CUL3: variants seen among roughly 807,000 people sequenced by gnomAD.
CUL3 encodes the protein cullin 3, also known as cullin-3.
A neutral mutation model predicts 89.1 loss-of-function variants in CUL3; 19 were observed. The ratio of observed to expected loss-of-function variants is 0.21; its 90% confidence interval spans 0.15 to 0.31. The LOEUF is 0.31. CUL3 is among the 10% of genes least tolerant of loss of function. The pLI is 1.00. For synonymous variants in CUL3, 351 were observed against 308.4 expected (o/e 1.14, Z -1.45); for missense variants, 469 against 942.3 (o/e 0.50, Z 6.58).
intron 3 of CUL3, among the ~76,000 whole-genome samples, chr2:224,525,190 AC>A (rs1309269425): frequency 1.3e-5 from 2 of 152,218 alleles, no homozygotes; most frequent in African/African-American, 4.8e-5. Flanking sequence ...CATAAACTCT[AC>A]TAAACAGTCA....
At chr2:224,491,068 AC>A (rs1303538342) in intron 13 of CUL3, among the ~76,000 whole-genome samples, 2 of 152,118 alleles carry the variant, frequency 1.3e-5, no homozygotes, top group Non-Finnish European at 2.9e-5. Context: ...GAGCTTTCCT[AC>A]CTAAGACCCA....
intron 1 of CUL3, among the ~76,000 whole-genome samples, chr2:224,575,546 G>A (rs756836314): frequency 2.6e-5 from 4 of 152,154 alleles, no homozygotes; most frequent in Non-Finnish European, 5.9e-5. Context: ...GCACATTAAC[G>A]TGAGAAGGAA....
At chr2:224,564,732 C>A (rs1419992011) in intron 1 of CUL3, among the ~76,000 whole-genome samples, 1 of 152,112 alleles carries the variant, frequency 6.6e-6, no homozygotes, top group African/African-American at 2.4e-5. Flanking sequence ...CTGCCCAGAT[C>A]TTCCCCACAA....
At position 224,535,597 on chromosome 2, in the gene CUL3, T is replaced by G; in HGVS notation, c.309A>C (p.Gln103His). Residue 103 changes from glutamine (Q) to histidine (H), a missense_variant, in exon 3 of 16, where the codon CAA (glutamine) becomes CAC (histidine). Gln to His is a conservative substitution (Grantham distance 24). Around this residue, in one of 4 missense-constraint regions of CUL3, gnomAD observed 370 missense variants for 733.2 expected, o/e 0.50. Transcript: ENST00000264414. The stretch of plus-strand genomic sequence containing the variant: ...GATCATTCCAAGCTTGATTTAGCGT[T>G]TGAAGAAAGTTGTTATTCAATGAAT... The part of the protein sequence containing the change: ...VLNSLNNNFL[Q>H]TLNQAWNDHQ... 4.3e-6 allele frequency: 7 copies of G among 1,613,322 alleles called. No individual in the cohort carries two copies. The highest frequency in any genetic ancestry group is 5.9e-6 in the Non-Finnish European group (7 of 1,179,610).
At chr2:224,541,544 G>A (rs914936921) in intron 2 of CUL3, among the ~76,000 whole-genome samples, 1 of 152,164 alleles carries the variant, frequency 6.6e-6, no homozygotes, top group African/African-American at 2.4e-5. Flanking sequence ...AACATCACGT[G>A]ACCCAGCAAC....
intron 2 of CUL3, chr2:224,556,481 G>A (rs988164714): frequency 6.6e-6 from 1 of 152,090 alleles, no homozygotes; most frequent in Non-Finnish European, 1.5e-5. Context: ...ACCAAAAACT[G>A]AGGGATAATC....
intron 15 of CUL3, among the ~76,000 whole-genome samples, chr2:224,477,218 T>C (rs944898361): frequency 2.0e-5 from 3 of 152,184 alleles, no homozygotes; most frequent in African/African-American, 7.2e-5. Flanking sequence ...ACCAGACTCT[T>C]GGGCCCTATC....
At chr2:224,577,181 T>C (rs1030883061) in intron 1 of CUL3, among the ~76,000 whole-genome samples, 6 of 152,256 alleles carry the variant, frequency 3.9e-5, no homozygotes, top group African/African-American at 1.2e-4. Flanking sequence ...CTTTATTTTA[T>C]TTATCACACA....
intron 2 of CUL3, among the ~76,000 whole-genome samples, chr2:224,555,828 T>C (rs1336848752): frequency 1.3e-5 from 2 of 152,318 alleles, no homozygotes; most frequent in African/African-American, 2.4e-5. Context: ...TCTCCTCCGT[T>C]TGAATTCTTA....
intron 13 of CUL3, among the ~76,000 whole-genome samples, chr2:224,493,837 T>C (rs1692071994): frequency 6.6e-6 from 1 of 152,174 alleles, no homozygotes; most frequent in African/African-American, 2.4e-5. Context: ...CTGTTAGAGA[T>C]AATTTAATTC....
intron 2 of CUL3, among the ~76,000 whole-genome samples, chr2:224,553,015 C>T (rs535629583): frequency 2.6e-5 from 4 of 152,194 alleles, no homozygotes; most frequent in Non-Finnish European, 4.4e-5. Flanking sequence ...TGCTTTTGCA[C>T]ATTGTATCAG....
chr2:224,507,969 G>A (rs1692666581), intron 6 of CUL3, among the ~76,000 whole-genome samples: 1 of 152,092 alleles, frequency 6.6e-6, no homozygotes, highest in Admixed American at 6.5e-5. Context: ...GTGAGCCATA[G>A]AGCTCTGACT....
intron 2 of CUL3, among the ~76,000 whole-genome samples, chr2:224,549,030 A>C (rs1030933439): frequency 6.1e-5 from 9 of 148,282 alleles, no homozygotes; most frequent in African/African-American, 2.0e-4. Flanking sequence ...ACAACAACAA[A>C]AAAGCTGGAC....
Position 224,557,655 on chromosome 2 carries a change from A to C in CUL3, c.264+4T>G. 2 of 1,595,762 alleles carry C rather than the reference A, an allele frequency of 1.3e-6. No homozygotes were observed. The highest frequency in any genetic ancestry group is 1.7e-6 in the Non-Finnish European group (2 of 1,165,436). ...ATTAGCAACAGTCCTTTAAAGTTTG[A>C]TACCTTATTTATGAGATGTTCGGTA... On this transcript the variant is annotated splice_donor_region_variant and intron_variant, in intron 2 of 15. Transcript: ENST00000264414.
At chr2:224,499,030 C>A (rs1350391312) in intron 11 of CUL3, among the ~76,000 whole-genome samples, 1 of 152,132 alleles carries the variant, frequency 6.6e-6, no homozygotes, top group Non-Finnish European at 1.5e-5. Context: ...GAATACTCAA[C>A]AAAGATCCAG....
intron 1 of CUL3, chr2:224,562,717 G>C (rs1694942535): frequency 3.3e-5 from 5 of 151,912 alleles, no homozygotes; most frequent in Admixed American, 3.3e-4. Context: ...CATAGAGCTG[G>C]GATTAGAACT....
At chr2:224,505,866 A>C (rs1167736459) in intron 8 of CUL3, 90 bp downstream of exon 8, 10 of 887,732 alleles carry the variant, frequency 1.1e-5, no homozygotes, top group Admixed American at 6.6e-5. Context: ...GGTCATGCTT[A>C]ATTTTTATCT....
chr2:224,470,599 A>G lies in CUL3; in HGVS notation c.*3646T>C, dbSNP rs574153874. Reference sequence around the variant, plus strand: ...AACTGTAGATTTGAATTTAAGGTACATGCCTATCTGTGGTACCCACTTAAG... The same window carrying G: ...AACTGTAGATTTGAATTTAAGGTACGTGCCTATCTGTGGTACCCACTTAAG... On this transcript the variant is annotated 3_prime_UTR_variant, in exon 16 of 16. Transcript: ENST00000264414. 35 of 231,972 alleles carry G rather than the reference A, an allele frequency of 1.5e-4. No homozygotes were observed. The East Asian group carries it at 2.1e-3, about 14-fold the overall frequency. The allele number at this position is 231,972 out of a possible 1,614,324, so 14.4% of individuals were successfully genotyped here.
chr2:224,525,050 C>G (rs1574656606), intron 3 of CUL3, among the ~76,000 whole-genome samples: 1 of 146,622 alleles, frequency 6.8e-6, no homozygotes, highest in Non-Finnish European at 1.5e-5. Context: ...TAATAAAGAA[C>G]AGATGAGACA....
Sources: allele counts gnomAD v4.1 joint callset (sites outside exome capture counted in the v4.1 genomes callset), GRCh38; gene constraint gnomAD v4.1.1; regional missense constraint gnomAD v4.1.1; transcripts MANE v1.5; gene names NCBI Gene and HGNC (gene_info 2026-07-23, HGNC 2026-07-21).